LRP1B: variants seen among roughly 807,000 people sequenced by gnomAD.
LRP1B encodes LDL receptor related protein 1B, also known as low-density lipoprotein receptor-related protein 1B.
A neutral mutation model predicts 556.6 loss-of-function variants in LRP1B; 217 were observed. The observed-to-expected ratio is 0.39, with a 90% CI of 0.35 to 0.44. The LOEUF (loss-of-function observed/expected upper bound fraction) is 0.44, where lower values mean the gene tolerates loss of function less well. Among genes scored for constraint, LRP1B ranks in the 20% least tolerant of loss-of-function variants. The pLI, the probability that LRP1B is intolerant of heterozygous loss-of-function variation, is 1.00. For synonymous variants in LRP1B, 2,047 were observed against 1,865.8 expected, an observed-to-expected ratio of 1.10 and a Z score of -2.50; for missense variants, 5,053 against 5,620.8, an observed-to-expected ratio of 0.90 and a Z score of 3.23.
intron 7 of LRP1B, among the ~76,000 whole-genome samples, chr2:141,180,213 A>C (rs757464720): frequency 6.6e-6 from 1 of 151,770 alleles, no homozygotes; most frequent in South Asian, 2.1e-4. Flanking sequence ...TATTTCTTAC[A>C]TAACTCCAAG....
chr2:140,593,786 C>T (rs939244125), intron 43 of LRP1B, among the ~76,000 whole-genome samples: 1 of 151,712 alleles, frequency 6.6e-6, no homozygotes, highest in Admixed American at 6.6e-5. Flanking sequence ...TTAAAAAAAT[C>T]AAAAAATAAA....
chr2:142,108,008 T>C (rs913764362), intron 1 of LRP1B, among the ~76,000 whole-genome samples: 16 of 150,670 alleles, frequency 1.1e-4, no homozygotes, highest in Admixed American at 6.6e-4. Flanking sequence ...GTCATATATG[T>C]TCATAATTTT....
At chr2:141,497,481 A>C (rs1304350213) in intron 2 of LRP1B, among the ~76,000 whole-genome samples, 1 of 152,100 alleles carries the variant, frequency 6.6e-6, no homozygotes, top group Non-Finnish European at 1.5e-5. Context: ...CTATAAAATA[A>C]CCTAGAATAA....
At chr2:140,370,997 A>G (rs932891215) in intron 70 of LRP1B, among the ~76,000 whole-genome samples, 155 bp from the exon 71 acceptor site, 1 of 152,038 alleles carries the variant, frequency 6.6e-6, no homozygotes, top group East Asian at 1.9e-4. Context: ...AATGAGAATG[A>G]GCTTTAGTAT....
At chr2:141,742,715 C>T (rs946443715) in intron 2 of LRP1B, among the ~76,000 whole-genome samples, 3 of 152,212 alleles carry the variant, frequency 2.0e-5, no homozygotes, top group East Asian at 1.9e-4. Flanking sequence ...GTAGTATGGA[C>T]ATTTTAACAA....
intron 35 of LRP1B, among the ~76,000 whole-genome samples, chr2:140,753,312 C>A (rs553678964): frequency 6.6e-6 from 1 of 152,088 alleles, no homozygotes; most frequent in Non-Finnish European, 1.5e-5. Flanking sequence ...GTAGTAAATT[C>A]TACTTCAAAA....
intron 2 of LRP1B, among the ~76,000 whole-genome samples, chr2:141,807,187 G>C (rs1484030436): frequency 1.3e-5 from 2 of 151,974 alleles, no homozygotes; most frequent in Admixed American, 1.3e-4. Flanking sequence ...ACATTACAAA[G>C]TACTGTGATT....
Position 140,779,054 on chromosome 2 carries a change from T to C in LRP1B, c.5360-2816A>G, listed in dbSNP as rs1226790182. ...ATGTGGGTTATGTATAACCCACATC[T>C]AAAAAACTCTTAGGGATCTCAATAA... is the stretch of plus-strand genomic sequence containing the variant. On this transcript the variant is annotated intron_variant, in intron 32 of 90. Transcript: ENST00000389484. Among the ~76,000 whole-genome samples the C allele has an allele frequency of 6.0e-5, 9 of 149,918 alleles. No homozygotes were observed. The Admixed American group carries it at 6.0e-4, about 10-fold the overall frequency.
chr2:140,276,678 T>A (rs2104956936), intron 84 of LRP1B, among the ~76,000 whole-genome samples: 1 of 152,090 alleles, frequency 6.6e-6, no homozygotes, highest in Admixed American at 6.6e-5. Context: ...CCCAACTGCT[T>A]TAAAATTTCA....
At chr2:140,978,701 G>A (rs1281868868) in intron 18 of LRP1B, among the ~76,000 whole-genome samples, 1 of 152,110 alleles carries the variant, frequency 6.6e-6, no homozygotes, top group Non-Finnish European at 1.5e-5. Flanking sequence ...GTGCCTACTA[G>A]ACTTTGTCAG....
intron 66 of LRP1B, among the ~76,000 whole-genome samples, chr2:140,403,717 A>G (rs1684606525): frequency 6.6e-6 from 1 of 152,226 alleles, no homozygotes; most frequent in South Asian, 2.1e-4. Context: ...GGAATAATTG[A>G]GGAGAATTTC....
At chr2:140,268,200 AG>A (rs1682295976) in intron 86 of LRP1B, among the ~76,000 whole-genome samples, 1 of 151,982 alleles carries the variant, frequency 6.6e-6, no homozygotes, top group Non-Finnish European at 1.5e-5. Flanking sequence ...GGAGAACCTT[AG>A]GTATACTAAC....
chr2:141,228,071 C>T (rs755534221), intron 6 of LRP1B, among the ~76,000 whole-genome samples: 3 of 152,060 alleles, frequency 2.0e-5, no homozygotes, highest in Non-Finnish European at 4.4e-5. Flanking sequence ...GGATTAAAGG[C>T]GTGCACCAGC....
chr2:140,678,245 A>G (rs1403342522), intron 41 of LRP1B, among the ~76,000 whole-genome samples: 1 of 152,208 alleles, frequency 6.6e-6, no homozygotes. Context: ...AAGGCGTTTT[A>G]AGATGATGGT....
intron 46 of LRP1B, among the ~76,000 whole-genome samples, chr2:140,534,794 G>A (rs138042273): frequency 6.6e-6 from 1 of 152,262 alleles, no homozygotes; most frequent in East Asian, 1.9e-4. Flanking sequence ...GCTCTGTATT[G>A]AGTATATGTA....
chr2:140,370,553 C>CA (rs1682950385), intron 71 of LRP1B, among the ~76,000 whole-genome samples, 157 bp downstream of exon 71: 1 of 151,888 alleles, frequency 6.6e-6, no homozygotes, highest in African/African-American at 2.4e-5. Flanking sequence ...CTGGATTTTG[C>CA]ATATTTAGAC....
chr2:141,114,672 G>A (rs925534564), intron 7 of LRP1B, among the ~76,000 whole-genome samples: 1 of 152,128 alleles, frequency 6.6e-6, no homozygotes, highest in African/African-American at 2.4e-5. Flanking sequence ...ATTAGAGTGT[G>A]AAAACAGGAA....
intron 86 of LRP1B, among the ~76,000 whole-genome samples, chr2:140,261,176 A>T (rs535967988): frequency 6.6e-6 from 1 of 151,924 alleles, no homozygotes; most frequent in East Asian, 1.9e-4. Context: ...GTGTCTACAT[A>T]AGTATTTTAG....
chr2:140,315,751 T>C (rs1248359440), intron 82 of LRP1B, among the ~76,000 whole-genome samples: 1 of 152,188 alleles, frequency 6.6e-6, no homozygotes, highest in African/African-American at 2.4e-5. Context: ...TTATAGCATA[T>C]GCACACACAT....
Sources: gnomAD v4.1 joint callset for allele counts (sites outside exome capture counted in the v4.1 genomes callset) on GRCh38, gnomAD v4.1.1 for gene constraint, MANE v1.5 for transcripts, NCBI Gene and HGNC (gene_info 2026-07-23, HGNC 2026-07-21) for gene names.